The following CELF5 variants were observed in gnomAD, a reference collection of about 807,000 sequenced individuals.
CELF5 encodes CUGBP Elav-like family member 5, also known as CUG-BP and ETR-3 like factor 5.
Under a neutral mutation model 54.9 loss-of-function variants are expected in CELF5, and 6 were observed. The ratio of observed to expected loss-of-function variants is 0.11; its 90% confidence interval spans 0.06 to 0.22. The LOEUF (loss-of-function observed/expected upper bound fraction) is 0.22. Ranked by LOEUF, CELF5 falls within the 10% of genes least tolerant of loss-of-function variation. CELF5 has a pLI of 1.00. For missense variants in CELF5, 401 were observed against 678.6 expected, an observed-to-expected ratio of 0.59 and a Z score of 4.54; for synonymous variants, 271 against 290.9, an observed-to-expected ratio of 0.93 and a Z score of 0.70.
chr19:3,273,709 G>A (rs568943688), intron 2 of CELF5, among the ~76,000 whole-genome samples, 163 bp from the exon 3 acceptor site: 9 of 152,304 alleles, frequency 5.9e-5, no homozygotes, highest in African/African-American at 2.2e-4. Flanking sequence ...CTGTAGGTGG[G>A]ACAGTGTGTA....
At chr19:3,257,784 T>C (rs1568343163) in intron 2 of CELF5, among the ~76,000 whole-genome samples, 2 of 37,426 alleles carry the variant, frequency 5.3e-5, no homozygotes, top group African/African-American at 2.3e-4. Context: ...CCTCCATTTT[T>C]TTTTATTTAT....
At chr19:3,242,363 G>A (rs975732688) in intron 1 of CELF5, among the ~76,000 whole-genome samples, 2 of 151,702 alleles carry the variant, frequency 1.3e-5, no homozygotes, top group Admixed American at 6.6e-5. Flanking sequence ...GTGAGACCCC[G>A]TCTCTACTAA....
intron 2 of CELF5, among the ~76,000 whole-genome samples, chr19:3,257,721 C>T (rs1324882089): frequency 6.6e-6 from 1 of 151,942 alleles, no homozygotes; most frequent in African/African-American, 2.4e-5. Context: ...GATGATCCGC[C>T]TGCCTCGGAC....
rs139650075 is a variant in CELF5 at position 3,249,902 on chromosome 19, G to A, written c.260-1083G>A. On this transcript the variant is annotated intron_variant, in intron 1 of 12. Coordinates refer to ENST00000292672, the MANE Select transcript of CELF5 (RefSeq NM_021938.4). ...CACTAGTGCCCTCCCCATCCTCCCCGCTGGGCAGCCCCTCTGCCCACTCCC... is the reference window on the plus strand; with the variant it reads ...CACTAGTGCCCTCCCCATCCTCCCCACTGGGCAGCCCCTCTGCCCACTCCC... 5.2e-3 allele frequency among the ~76,000 whole-genome samples: 780 copies of A among 151,126 alleles called. 4 individuals carry two copies. The highest frequency in any genetic ancestry group is 0.027 in the Middle Eastern group (8 of 292).
At chr19:3,270,114 C>G (rs1482874474) in intron 2 of CELF5, among the ~76,000 whole-genome samples, 1 of 152,054 alleles carries the variant, frequency 6.6e-6, no homozygotes, top group Non-Finnish European at 1.5e-5. Context: ...CTTCACTCTC[C>G]TCTACCCTCA....
Position 3,261,806 on chromosome 19 carries a change from GTTTTAT to G in CELF5, c.342+10744_342+10749del, listed in dbSNP as rs2079810046. Among the ~76,000 whole-genome samples, 4 of 152,218 alleles carry G rather than the reference GTTTTAT, an allele frequency of 2.6e-5. No individual in the cohort carries two copies. In the South Asian group the frequency reaches 8.3e-4, roughly 32 times the overall value. ...ACTGTACTCCAGCCTGGGCAGTGGA[GTTTTAT>G]TTTTGTTTCAGACAAAAATAAAAAC... On this transcript the variant is annotated intron_variant, in intron 2 of 12. Coordinates refer to ENST00000292672, the MANE Select transcript of CELF5 (RefSeq NM_021938.4).
Position 3,275,768 on chromosome 19 carries a change from C to T in CELF5, c.395-88C>T, listed in dbSNP as rs1040288698. 7.1e-7 allele frequency: 1 copy of T among 1,409,540 alleles called. No homozygotes were observed. Among genetic ancestry groups the T allele is most frequent in the Non-Finnish European group, 9.5e-7 (1 of 1,050,902 alleles). 87.3% of individuals were successfully genotyped at this position (1,409,540 alleles called of 1,614,324 possible). The stretch of plus-strand genomic sequence containing the variant: ...CGGGCGCCGCGTCTTCCTGCCCTGC[C>T]GCCTCCACTCTGCTGGAGGGAGGGA... On this transcript the variant is annotated intron_variant, in intron 3 of 12. Coordinates refer to ENST00000292672, the MANE Select transcript of CELF5 (RefSeq NM_021938.4). This position sits in a 1 kb window ranked among gnomAD's most constrained non-coding sequence, Gnocchi z 6.7.
intron 1 of CELF5, among the ~76,000 whole-genome samples, chr19:3,240,981 C>A (rs1366409147): frequency 2.0e-5 from 3 of 152,116 alleles, no homozygotes; most frequent in African/African-American, 7.2e-5. Context: ...GGATCCCCCA[C>A]CTTGATCCCC....
intron 1 of CELF5, among the ~76,000 whole-genome samples, chr19:3,235,134 G>A (rs940944866): frequency 3.9e-5 from 6 of 152,156 alleles, no homozygotes; most frequent in African/African-American, 1.4e-4. Flanking sequence ...GCAAGGCGTG[G>A]TCCTACTCCA....
chr19:3,286,387 G>A lies in CELF5; in HGVS notation c.1186+362G>A, dbSNP rs2080248724. Reference sequence around the variant, plus strand: ...AATGAGGCCTCCCCAGTAAAGCCAAGGCTGTCGAAGGAGGGAGGGATTCGA... The same window carrying A: ...AATGAGGCCTCCCCAGTAAAGCCAAAGCTGTCGAAGGAGGGAGGGATTCGA... On this transcript the variant is annotated intron_variant, in intron 10 of 12. Transcript: ENST00000292672. The A allele has an allele frequency of 1.2e-5, 3 of 247,602 alleles. No homozygotes were observed. The South Asian group carries it at 4.1e-4, about 34-fold the overall frequency. 15.3% of individuals were successfully genotyped at this position (247,602 alleles called of 1,614,324 possible). A position where few individuals can be genotyped will look rare whatever the true frequency, so the allele number is the denominator to read the frequency against.
intron 11 of CELF5, among the ~76,000 whole-genome samples, chr19:3,291,287 C>T (rs1377558511): frequency 1.3e-5 from 2 of 151,572 alleles, no homozygotes; most frequent in Non-Finnish European, 2.9e-5. Flanking sequence ...CAAAAATGGC[C>T]AGGCGCAGTG....
In CELF5 at chr19:3,228,107, A is replaced by AAGAG. The variant is rs528618840; in HGVS notation, c.259+3127_259+3130dup. Among the ~76,000 whole-genome samples the AAGAG allele has an allele frequency of 3.6e-4, 53 of 149,260 alleles. No homozygotes were observed. Among genetic ancestry groups the AAGAG allele is most frequent in the African/African-American group, 7.1e-4 (29 of 40,752 alleles). On this transcript the variant is annotated intron_variant, in intron 1 of 12. Coordinates refer to ENST00000292672, the MANE Select transcript of CELF5 (RefSeq NM_021938.4). The surrounding 1 kb of genome is among the most constrained non-coding windows in gnomAD (Gnocchi z 6.0). ...GCCCTGGGGCGCTGGGTTTGTTTTT[A>AAGAG]AGAGAGAGAGAGAGAGAGAGATGAG...
chr19:3,296,359 AGCATTTCCTTTTCTTTCTAC>A (rs2080447079), intron 12 of CELF5: 1 of 144,202 alleles, frequency 6.9e-6, no homozygotes, highest in Non-Finnish European at 1.5e-5. Flanking sequence ...AAAAAAACCA[AGCATTTCCTTTTCTTTCTAC>A]CAAAATGTGT....
intron 1 of CELF5, among the ~76,000 whole-genome samples, chr19:3,249,981 G>A (rs2079625534): frequency 6.6e-6 from 1 of 152,044 alleles, no homozygotes; most frequent in Non-Finnish European, 1.5e-5. Flanking sequence ...CTCAGCCACT[G>A]ACTTTGTTAA....
chr19:3,243,989 A>T (rs1434590431), intron 1 of CELF5, among the ~76,000 whole-genome samples: 1 of 152,058 alleles, frequency 6.6e-6, no homozygotes, highest in Non-Finnish European at 1.5e-5. Context: ...ATAAAGTCAC[A>T]TTCGGAGGTC....
intron 2 of CELF5, among the ~76,000 whole-genome samples, chr19:3,264,103 C>T (rs1229194078): frequency 1.3e-5 from 2 of 152,074 alleles, no homozygotes; most frequent in African/African-American, 2.4e-5. Flanking sequence ...GTCGGTAACA[C>T]GCCTTTGCTT....
intron 2 of CELF5, among the ~76,000 whole-genome samples, chr19:3,262,917 C>T (rs570643856): frequency 4.0e-5 from 6 of 151,132 alleles, no homozygotes; most frequent in Admixed American, 2.0e-4. Context: ...CCAGACTGGG[C>T]GATAGAGTGA....
Position 3,268,940 on chromosome 19 carries a change from C to A in CELF5, c.343-4932C>A, listed in dbSNP as rs1019291791. Among the ~76,000 whole-genome samples, 4 of 152,010 alleles carry A rather than the reference C, an allele frequency of 2.6e-5. No individual in the cohort carries two copies. Among genetic ancestry groups the A allele is most frequent in the African/African-American group, 9.7e-5 (4 of 41,360 alleles). On this transcript the variant is annotated intron_variant, in intron 2 of 12. Transcript: ENST00000292672. The surrounding 1 kb of genome is among the most constrained non-coding windows in gnomAD (Gnocchi z 4.4). ...GCGGGGAGGAATGACTGGGGCTGAGCAGCAAAGGGCCCTCAAATGCCAGGA... is the reference window on the plus strand; with the variant it reads ...GCGGGGAGGAATGACTGGGGCTGAGAAGCAAAGGGCCCTCAAATGCCAGGA...
At chr19:3,280,297 G>GCTGGGT (rs1487787003) in intron 5 of CELF5, among the ~76,000 whole-genome samples, 5 of 152,168 alleles carry the variant, frequency 3.3e-5, no homozygotes, top group African/African-American at 1.2e-4. Context: ...TGGGGCTGGG[G>GCTGGGT]CTGGGCGTGG....
Sources: allele counts gnomAD v4.1 joint callset (sites outside exome capture counted in the v4.1 genomes callset), GRCh38; gene constraint gnomAD v4.1.1; non-coding constraint Gnocchi (gnomAD v3.1); transcripts MANE v1.5; gene names NCBI Gene and HGNC (gene_info 2026-07-23, HGNC 2026-07-21).